The following IFT56 variants were observed in gnomAD, a reference collection of about 807,000 sequenced individuals.
IFT56 encodes the protein intraflagellar transport protein 56.
At chr7:139,155,107 A>T in the IFT56 span, among the ~76,000 whole-genome samples, 1 of 152,104 alleles carries the variant, frequency 6.6e-6, no homozygotes, top group Admixed American at 6.5e-5. Flanking sequence ...TGTTCCCTTA[A>T]TTTCATTTTT....
At chr7:139,187,478 G>A in the IFT56 span, 26 of 1,614,046 alleles carry the variant, frequency 1.6e-5, 2 homozygotes, top group South Asian at 2.5e-4. Context: ...TGAATATTGG[G>A]AAGGCAAACG....
At chr7:139,173,844 G>A in the IFT56 span, 1 of 712,868 alleles carries the variant, frequency 1.4e-6, no homozygotes, top group Non-Finnish European at 2.6e-6. Context: ...CAGAACTTCA[G>A]GTATTTCTAT....
chr7:139,164,674 C>T, the IFT56 span, among the ~76,000 whole-genome samples: 3 of 151,874 alleles, frequency 2.0e-5, no homozygotes, highest in Non-Finnish European at 4.4e-5. Context: ...CTATACTAGT[C>T]GCAGTTCTCG....
the IFT56 span, chr7:139,140,069 A>G: frequency 9.0e-7 from 1 of 1,115,594 alleles, no homozygotes; most frequent in Admixed American, 2.5e-5. Context: ...AGATTTTAAA[A>G]CTTAATTGTA....
At chr7:139,144,651 T>C in the IFT56 span, among the ~76,000 whole-genome samples, 1 of 152,114 alleles carries the variant, frequency 6.6e-6, no homozygotes, top group Non-Finnish European at 1.5e-5. Flanking sequence ...GTAAACACTT[T>C]GTCACATTTT....
the IFT56 span, chr7:139,174,396 G>A: frequency 2.3e-6 from 1 of 429,204 alleles, no homozygotes; most frequent in Non-Finnish European, 4.6e-6. Context: ...TTGGCATCAG[G>A]GGGTGCAAAC....
the IFT56 span, among the ~76,000 whole-genome samples, chr7:139,169,989 G>A: frequency 6.6e-6 from 1 of 152,142 alleles, no homozygotes; most frequent in Non-Finnish European, 1.5e-5. Flanking sequence ...ATTCCAGCCT[G>A]GGCAACAGAG....
the IFT56 span, among the ~76,000 whole-genome samples, chr7:139,156,500 G>A: frequency 3.3e-5 from 5 of 151,642 alleles, no homozygotes; most frequent in East Asian, 1.9e-4. Context: ...ACTGCATCCC[G>A]TAAGTTTTGT....
At chr7:139,139,530 C>G in the IFT56 span, among the ~76,000 whole-genome samples, 1 of 151,946 alleles carries the variant, frequency 6.6e-6, no homozygotes. Context: ...TTAAAGCCAT[C>G]AGATTTTAAG....
At chr7:139,180,343 G>GA in the IFT56 span, among the ~76,000 whole-genome samples, 26 of 141,832 alleles carry the variant, frequency 1.8e-4, no homozygotes, top group East Asian at 1.1e-3. Flanking sequence ...CTCAAAAAAA[G>GA]AAAAAAAAAA....
the IFT56 span, among the ~76,000 whole-genome samples, chr7:139,163,871 C>T: frequency 6.6e-5 from 10 of 152,248 alleles, no homozygotes; most frequent in South Asian, 1.2e-3. Flanking sequence ...ATAGATATTT[C>T]GGGGTCGAGA....
At chr7:139,169,801 A>G in the IFT56 span, among the ~76,000 whole-genome samples, 2 of 152,140 alleles carry the variant, frequency 1.3e-5, no homozygotes, top group African/African-American at 4.8e-5. Context: ...GCTTGAGCCC[A>G]GGAGTTCAGG....
At chr7:139,134,640 T>A in the IFT56 span, 1 of 1,598,722 alleles carries the variant, frequency 6.3e-7, no homozygotes, top group Admixed American at 1.8e-5. Context: ...ACAGCTGTCT[T>A]TGTTTCTTTT....
At chr7:139,134,897 TG>T in the IFT56 span, 5 of 1,146,200 alleles carry the variant, frequency 4.4e-6, no homozygotes, top group East Asian at 1.0e-4. Flanking sequence ...GGGTGCATTC[TG>T]GGGCTTCCTG....
chr7:139,159,726 G>T, the IFT56 span, among the ~76,000 whole-genome samples: 2 of 152,062 alleles, frequency 1.3e-5, no homozygotes, highest in African/African-American at 4.8e-5. Context: ...CTAAATTTTT[G>T]ATTTGATAAA....
At chr7:139,153,503 A>C in the IFT56 span, among the ~76,000 whole-genome samples, 3 of 151,550 alleles carry the variant, frequency 2.0e-5, no homozygotes, top group East Asian at 5.8e-4. Flanking sequence ...CCATTCCCCC[A>C]GCCCTGAGCA....
the IFT56 span, chr7:139,160,886 A>G: frequency 8.2e-6 from 10 of 1,212,986 alleles, no homozygotes; most frequent in East Asian, 2.1e-4. Flanking sequence ...CCATTGTGTC[A>G]ATATGTGGTA....
At chr7:139,138,366 C>T in the IFT56 span, among the ~76,000 whole-genome samples, 1 of 151,956 alleles carries the variant, frequency 6.6e-6, no homozygotes. Context: ...TCTTATTGTG[C>T]CTAACTTATA....
chr7:139,139,942 A>G, the IFT56 span: 1 of 1,613,336 alleles, frequency 6.2e-7, no homozygotes, highest in East Asian at 2.2e-5. Flanking sequence ...GTCTGGGTGA[A>G]CCTAGCTTGC....
Sources: gnomAD v4.1 joint callset for allele counts (sites outside exome capture counted in the v4.1 genomes callset) on GRCh38, gnomAD v4.1.1 for gene constraint, MANE v1.5 for transcripts, NCBI Gene and HGNC (gene_info 2026-07-23, HGNC 2026-07-21) for gene names.